The following NECAP2 variants were observed in gnomAD, a reference collection of about 807,000 sequenced individuals.
NECAP2 encodes adaptin ear-binding coat-associated protein 2.
In NECAP2, 38 loss-of-function variants were observed where a neutral mutation model predicts 37.8. The observed-to-expected ratio is 1.01, with a 90% CI of 0.78 to 1.32. NECAP2 has a LOEUF of 1.32. Among genes scored for constraint, NECAP2 ranks in the 40% most tolerant of loss-of-function variants. The probability of loss-of-function intolerance (pLI) is 0.00; values close to 1 mark genes in which losing one functional copy is unlikely to be tolerated. For missense variants in NECAP2, 316 were observed against 334.5 expected, an observed-to-expected ratio of 0.94 and a Z score of 0.43; for synonymous variants, 121 against 127.7, an observed-to-expected ratio of 0.95 and a Z score of 0.35.
chr1:16,453,413 T>C (rs1262694267), intron 6 of NECAP2, among the ~76,000 whole-genome samples: 4 of 151,778 alleles, frequency 2.6e-5, no homozygotes, highest in African/African-American at 9.7e-5. Context: ...CCGGCCCTTA[T>C]GTTTGTTCTT....
intron 5 of NECAP2, chr1:16,450,353 G>A (rs1270224674): frequency 6.1e-6 from 2 of 329,022 alleles, no homozygotes; most frequent in Non-Finnish European, 1.2e-5. Context: ...ATGAGATGAG[G>A]AAATGGAGGC....
At chr1:16,447,360 A>G (rs1222541014) in intron 2 of NECAP2, among the ~76,000 whole-genome samples, 3 of 152,216 alleles carry the variant, frequency 2.0e-5, no homozygotes, top group African/African-American at 4.8e-5. Context: ...GAATTAAATC[A>G]GCCTGCTTCA....
chr1:16,444,708 G>C, intron 2 of NECAP2, among the ~76,000 whole-genome samples: 1 of 152,226 alleles, frequency 6.6e-6, no homozygotes, highest in East Asian at 1.9e-4. Flanking sequence ...AGAGGCAGCT[G>C]CCATGGCCAG....
At chr1:16,445,499 C>T (rs1254860485) in intron 2 of NECAP2, among the ~76,000 whole-genome samples, 3 of 152,330 alleles carry the variant, frequency 2.0e-5, no homozygotes, top group Middle Eastern at 3.4e-3. Context: ...TTGAGAACTA[C>T]TGCTGTAGGC....
At chr1:16,449,325 G>T in intron 5 of NECAP2, 124 bp downstream of exon 5, 1 of 656,922 alleles carries the variant, frequency 1.5e-6, no homozygotes, top group Non-Finnish European at 2.7e-6. Context: ...CATCTGCCTT[G>T]TGCCAGGTCC....
chr1:16,450,282 TTTG>T (rs1301338651), intron 5 of NECAP2: 49 of 385,170 alleles, frequency 1.3e-4, no homozygotes, highest in African/African-American at 8.2e-4. Context: ...TTTGTTTTGT[TTTG>T]TTGTTTTTTT....
intron 6 of NECAP2, among the ~76,000 whole-genome samples, chr1:16,452,383 A>G (rs2086858090): frequency 6.8e-6 from 1 of 147,876 alleles, no homozygotes; most frequent in African/African-American, 2.4e-5. Flanking sequence ...CAGAGACCAA[A>G]TGTGTAGGGC....
In NECAP2 at chr1:16,443,632, G is replaced by A; in HGVS notation, c.93G>A (p.Arg31=). Residue 31 remains arginine, a splice_region_variant and synonymous_variant, in exon 2 of 8, where the codon AGG becomes AGA. Transcript: ENST00000337132. Reference sequence around the variant, plus strand: ...GATTCAGTGGTGTTTGTCCCCTTAGGGCTGCGGAGTGGCAGCTGGACCAGC... The same window carrying A: ...GATTCAGTGGTGTTTGTCCCCTTAGAGCTGCGGAGTGGCAGCTGGACCAGC... ...IPPRATNRGY[R]AAEWQLDQPS... 1 of 1,609,600 alleles carries A rather than the reference G, an allele frequency of 6.2e-7. No individual in the cohort carries two copies. Among genetic ancestry groups the A allele is most frequent in the Non-Finnish European group, 8.5e-7 (1 of 1,178,326 alleles).
rs541369223 is a variant in NECAP2, at chr1:16,442,314, C to G, written c.93-1318C>G. On this transcript the variant is annotated intron_variant, in intron 1 of 7. Transcript: ENST00000337132. ...CTTTAGTAGGATGGATTTGGTTCCTCTTGGTGCCCCAGAGAGCGAGGTTAT... is the reference window on the plus strand; with the variant it reads ...CTTTAGTAGGATGGATTTGGTTCCTGTTGGTGCCCCAGAGAGCGAGGTTAT... Among the ~76,000 whole-genome samples the G allele has an allele frequency of 2.1e-3, 316 of 152,254 alleles. 1 individual carries two copies. Among genetic ancestry groups the G allele is most frequent in the Non-Finnish European group, 2.7e-3 (186 of 68,006 alleles).
intron 4 of NECAP2, among the ~76,000 whole-genome samples, chr1:16,448,841 C>T (rs1225626746): frequency 1.3e-5 from 2 of 152,124 alleles, no homozygotes; most frequent in South Asian, 2.1e-4. Flanking sequence ...TCGCTGCATT[C>T]GTAGCCATCT....
chr1:16,449,419 T>C (rs1307228528), intron 5 of NECAP2: 5 of 513,678 alleles, frequency 9.7e-6, no homozygotes, highest in South Asian at 2.7e-5. Flanking sequence ...GATAACAACA[T>C]GGCAGGAAAG....
At position 16,443,636 on chromosome 1, in the gene NECAP2, G is replaced by C. The variant is rs747081897; in HGVS notation, c.97G>C (p.Ala33Pro). The change falls in exon 2 of 8, where the codon GCG (alanine) becomes CCG (proline). Residue 33 changes from alanine (A) to proline (P), a missense_variant. Ala to Pro is a conservative substitution (Grantham distance 27). Coordinates refer to ENST00000337132, the MANE Select transcript of NECAP2 (RefSeq NM_018090.5). ...PRATNRGYRA[A>P]EWQLDQPSWS... ...CAGTGGTGTTTGTCCCCTTAGGGCT[G>C]CGGAGTGGCAGCTGGACCAGCCATC... The C allele has an allele frequency of 9.3e-6, 15 of 1,610,730 alleles. No homozygotes were observed. The highest frequency in any genetic ancestry group is 1.3e-5 in the Non-Finnish European group (15 of 1,178,956).
At chr1:16,455,793 G>A in intron 6 of NECAP2, 25 bp from the exon 7 acceptor site, 1 of 1,600,556 alleles carries the variant, frequency 6.2e-7, no homozygotes, top group South Asian at 1.1e-5. Context: ...CTCTTCCTAC[G>A]GGTCGGACTC....
chr1:16,444,608 A>C (rs183042163), intron 2 of NECAP2, among the ~76,000 whole-genome samples: 1 of 152,172 alleles, frequency 6.6e-6, no homozygotes, highest in East Asian at 1.9e-4. Flanking sequence ...AAGTGAGCAG[A>C]TATTTCTGTA....
intron 2 of NECAP2, among the ~76,000 whole-genome samples, chr1:16,447,336 C>T (rs1025522804): frequency 6.6e-6 from 1 of 152,072 alleles, no homozygotes; most frequent in Non-Finnish European, 1.5e-5. Context: ...GTCACGCTTG[C>T]CCTGTCTCAG....
intron 2 of NECAP2, among the ~76,000 whole-genome samples, chr1:16,447,022 T>A (rs2100950765): frequency 6.8e-6 from 1 of 147,760 alleles, no homozygotes; most frequent in Admixed American, 6.8e-5. Context: ...ATTGCGCCGC[T>A]GCACTCCAGC....
At chr1:16,440,875 A>C (rs2100937715) in intron 1 of NECAP2, 22 bp downstream of exon 1, 1 of 1,599,186 alleles carries the variant, frequency 6.3e-7, no homozygotes, top group Non-Finnish European at 8.6e-7. Context: ...CCGCCAGACC[A>C]GGCTAGCTCC....
At chr1:16,454,781 C>T (rs1478476125) in intron 6 of NECAP2, among the ~76,000 whole-genome samples, 3 of 152,194 alleles carry the variant, frequency 2.0e-5, no homozygotes, top group Admixed American at 1.3e-4. Flanking sequence ...TTATGTATAG[C>T]ACTTAGAACA....
chr1:16,458,473 TC>T (rs1287318394), intron 7 of NECAP2, among the ~76,000 whole-genome samples: 1 of 151,792 alleles, frequency 6.6e-6, no homozygotes, highest in Non-Finnish European at 1.5e-5. Flanking sequence ...GTCATGTAGT[TC>T]CAGCTACTAG....
Sources: gnomAD v4.1 joint callset for allele counts (sites outside exome capture counted in the v4.1 genomes callset) on GRCh38, gnomAD v4.1.1 for gene constraint, MANE v1.5 for transcripts, NCBI Gene and HGNC (gene_info 2026-07-23, HGNC 2026-07-21) for gene names.